C10orf90: variants seen among roughly 807,000 people sequenced by gnomAD.
C10orf90 encodes the protein (E2-independent) E3 ubiquitin-conjugating enzyme FATS.
In C10orf90, 56 loss-of-function variants were observed where a neutral mutation model predicts 62.5. The observed-to-expected ratio is 0.90, with a 90% CI of 0.72 to 1.12. C10orf90 has a LOEUF of 1.12. C10orf90 is among the 50% of genes most tolerant of loss of function. The pLI is 0.00. For missense variants in C10orf90, 970 were observed against 880.4 expected (o/e 1.10, Z -1.29); for synonymous variants, 386 against 340.4 (o/e 1.13, Z -1.47).
At chr10:126,443,610 T>A (rs1323514565) in intron 7 of C10orf90, among the ~76,000 whole-genome samples, 1 of 150,108 alleles carries the variant, frequency 6.7e-6, no homozygotes, top group African/African-American at 2.5e-5. Flanking sequence ...CAAAGAAGAA[T>A]TGATATCAAT....
chr10:126,565,358 T>A (rs1447090008), intron 2 of C10orf90, among the ~76,000 whole-genome samples: 1 of 78,916 alleles, frequency 1.3e-5, no homozygotes, highest in Non-Finnish European at 2.3e-5. Context: ...TAATATATAA[T>A]ATATATTATT....
At chr10:126,515,816 A>T (rs1047068586) in intron 2 of C10orf90, among the ~76,000 whole-genome samples, 2 of 152,198 alleles carry the variant, frequency 1.3e-5, no homozygotes, top group African/African-American at 2.4e-5. Flanking sequence ...GCTATGTCTC[A>T]TCTTGTCCTT....
intron 2 of C10orf90, among the ~76,000 whole-genome samples, chr10:126,607,774 C>A (rs896000331): frequency 1.3e-5 from 2 of 152,122 alleles, no homozygotes; most frequent in Non-Finnish European, 2.9e-5. Flanking sequence ...TTAGATCCAT[C>A]AATGAATTTT....
chr10:126,622,405 C>T (rs1159120847), intron 2 of C10orf90, among the ~76,000 whole-genome samples: 2 of 152,130 alleles, frequency 1.3e-5, no homozygotes, highest in African/African-American at 2.4e-5. Flanking sequence ...GGTTCCAAGC[C>T]CAGGTACTCC....
intron 3 of C10orf90, among the ~76,000 whole-genome samples, chr10:126,508,328 C>A (rs554726624): frequency 5.7e-3 from 786 of 137,232 alleles, no homozygotes; most frequent in African/African-American, 0.02. Flanking sequence ...CCAGGTGATT[C>A]TTCTGCATGG....
At chr10:126,430,100 G>A (rs569116803) in intron 7 of C10orf90, among the ~76,000 whole-genome samples, 1 of 152,280 alleles carries the variant, frequency 6.6e-6, no homozygotes, top group South Asian at 2.1e-4. Context: ...CTACTTTATG[G>A]AGAGCAACAC....
rs564588204 is a variant in C10orf90, at chr10:126,619,860, C to CGA, written c.313+26703_313+26704dup. Reference sequence around the variant, plus strand: ...TTTGCCATGTTGCCCAAGCTGGACTCGAGCTCCTGGGATCCGCCCACCTTA... The same window carrying CGA: ...TTTGCCATGTTGCCCAAGCTGGACTCGAGAGCTCCTGGGATCCGCCCACCTTA... On this transcript the variant is annotated intron_variant, in intron 2 of 9. Transcript: ENST00000488181. Among the ~76,000 whole-genome samples, 22 of 152,166 alleles carry CGA rather than the reference C, an allele frequency of 1.4e-4. No homozygotes were observed. In the South Asian group the frequency reaches 4.4e-3, roughly 30 times the overall value.
intron 2 of C10orf90, among the ~76,000 whole-genome samples, chr10:126,645,513 C>T (rs1003708719): frequency 1.3e-4 from 19 of 151,404 alleles, no homozygotes; most frequent in African/African-American, 4.6e-4. Flanking sequence ...TCGCTTGAGC[C>T]CAGGAGTTCA....
At chr10:126,461,181 T>G (rs1163821638) in intron 6 of C10orf90, among the ~76,000 whole-genome samples, 1 of 152,178 alleles carries the variant, frequency 6.6e-6, no homozygotes, top group Admixed American at 6.5e-5. Context: ...TAGTATTTGA[T>G]CTTCATTCTA....
chr10:126,537,562 G>A (rs540715304), intron 2 of C10orf90, among the ~76,000 whole-genome samples: 12 of 152,242 alleles, frequency 7.9e-5, no homozygotes, highest in South Asian at 2.1e-4. Flanking sequence ...TCTGAGCTTC[G>A]AAGGTTGTTT....
Position 126,504,508 on chromosome 10 carries a change from T to C in C10orf90, c.983A>G (p.Glu328Gly). 2 of 1,614,192 alleles carry C rather than the reference T, an allele frequency of 1.2e-6. No individual in the cohort carries two copies. Among genetic ancestry groups the C allele is most frequent in the Non-Finnish European group, 8.5e-7 (1 of 1,180,040 alleles). The change falls in exon 4 of 10, where the codon GAG becomes GGG. Residue 328 changes from glutamate (E) to glycine (G), a missense_variant. Physicochemically the swap from Glu to Gly is moderately conservative, Grantham distance 98. Coordinates refer to ENST00000488181, the MANE Select transcript of C10orf90 (RefSeq NM_001350921.2). The surrounding 1 kb of genome is among the most constrained non-coding windows in gnomAD (Gnocchi z 4.1). Reference sequence around the variant, plus strand: ...TGGGGTGTCTGGAGAAAAACTGGTCTCTTTGTCGTCTGCATGGGTGACCCA... The same window carrying C: ...TGGGGTGTCTGGAGAAAAACTGGTCCCTTTGTCGTCTGCATGGGTGACCCA... ...KYWVTHADDK[E>G]TSFSPDTPLS...
rs1859330126 is a variant in C10orf90, at chr10:126,453,426, G to A, written c.2188+5614C>T. On this transcript the variant is annotated intron_variant, in intron 7 of 9. Transcript: ENST00000488181. This position sits in a 1 kb window ranked among gnomAD's most constrained non-coding sequence, Gnocchi z 4.9. The stretch of plus-strand genomic sequence containing the variant: ...ATGCAAAGAGTGTTCAAATGGGAGT[G>A]AGAGGAGAGGAGAGGGAGTGAAGGG... Among the ~76,000 whole-genome samples the A allele has an allele frequency of 6.6e-6, 1 of 152,170 alleles. No homozygotes were observed. Among genetic ancestry groups the A allele is most frequent in the Admixed American group, 6.5e-5 (1 of 15,280 alleles).
At chr10:126,550,921 A>G (rs908932349) in intron 2 of C10orf90, among the ~76,000 whole-genome samples, 1 of 152,264 alleles carries the variant, frequency 6.6e-6, no homozygotes, top group Non-Finnish European at 1.5e-5. Context: ...ACTAGGATTA[A>G]TGTGCCTCTC....
intron 2 of C10orf90, among the ~76,000 whole-genome samples, chr10:126,596,302 C>CAA (rs144157995): frequency 2.0e-5 from 3 of 147,406 alleles, no homozygotes; most frequent in African/African-American, 7.5e-5. Flanking sequence ...ATCCTTGTCT[C>CAA]AAAAAAAAGT....
intron 2 of C10orf90, among the ~76,000 whole-genome samples, chr10:126,580,946 A>G (rs10629622): frequency 0.94 from 142,613 of 152,072 alleles, 67,109 homozygotes; most frequent in Middle Eastern, 0.99. Context: ...GTTCTTGGCC[A>G]TTTTTCCAAC....
intron 1 of C10orf90, among the ~76,000 whole-genome samples, chr10:126,669,189 A>G (rs964677967): frequency 1.3e-5 from 2 of 152,240 alleles, no homozygotes; most frequent in Non-Finnish European, 2.9e-5. Context: ...TGATTGGGCA[A>G]TGAAGTAATG....
intron 6 of C10orf90, among the ~76,000 whole-genome samples, 183 bp from the exon 7 acceptor site, chr10:126,459,400 C>T (rs1024013631): frequency 1.3e-5 from 2 of 152,242 alleles, no homozygotes; most frequent in African/African-American, 4.8e-5. Context: ...GGCATGTTGA[C>T]AACACAGGTC....
At chr10:126,584,811 TTC>T (rs1379019571) in intron 2 of C10orf90, among the ~76,000 whole-genome samples, 1 of 152,174 alleles carries the variant, frequency 6.6e-6, no homozygotes, top group Non-Finnish European at 1.5e-5. Flanking sequence ...TCTGATTCCT[TTC>T]CACCTCGATC....
chr10:126,562,378 C>A (rs1864922899), intron 2 of C10orf90, among the ~76,000 whole-genome samples: 1 of 152,208 alleles, frequency 6.6e-6, no homozygotes, highest in Non-Finnish European at 1.5e-5. Context: ...CTGCCTTCTT[C>A]CCTCACCAAG....
Sources: gnomAD v4.1 joint callset for allele counts (sites outside exome capture counted in the v4.1 genomes callset) on GRCh38, gnomAD v4.1.1 for gene constraint, Gnocchi (gnomAD v3.1) non-coding constraint, MANE v1.5 for transcripts, NCBI Gene and HGNC (gene_info 2026-07-23, HGNC 2026-07-21) for gene names.